The following DOK6 variants were observed in gnomAD, a reference collection of about 807,000 sequenced individuals.
DOK6 encodes downstream of tyrosine kinase 6.
Under a neutral mutation model 44.0 loss-of-function variants are expected in DOK6, and 22 were observed. The ratio of observed to expected loss-of-function variants is 0.50; its 90% CI spans 0.36 to 0.71. DOK6 has a LOEUF of 0.71. DOK6 is among the 30% of genes least tolerant of loss of function. DOK6 has a pLI of 0.00. For synonymous variants in DOK6, 166 were observed against 145.5 expected (o/e 1.14, Z -1.01); for missense variants, 340 against 416.4 (o/e 0.82, Z 1.60).
At chr18:69,402,779 G>A (rs1464982650) in intron 1 of DOK6, among the ~76,000 whole-genome samples, 1 of 152,242 alleles carries the variant, frequency 6.6e-6, no homozygotes, top group Admixed American at 6.5e-5. Flanking sequence ...CCACCAAGGC[G>A]AGAGAGAGCA....
At chr18:69,472,297 C>T (rs777659352) in intron 1 of DOK6, among the ~76,000 whole-genome samples, 8 of 152,168 alleles carry the variant, frequency 5.3e-5, no homozygotes, top group Non-Finnish European at 8.8e-5. Context: ...AAGGTGACTG[C>T]GCACACAATG....
Position 69,846,864 on chromosome 18 carries a change from G to A in DOK6, c.*5481G>A, listed in dbSNP as rs1982355541. On this transcript the variant is annotated 3_prime_UTR_variant, in exon 8 of 8. Transcript: ENST00000382713. Reference sequence around the variant, plus strand: ...GCTTCCATTATCAACAAGAATTGGGGAAATGACTTTTTTACATTATAATAC... The same window carrying A: ...GCTTCCATTATCAACAAGAATTGGGAAAATGACTTTTTTACATTATAATAC... The A allele has an allele frequency of 6.6e-6, 1 of 152,002 alleles. No homozygotes were observed. Among genetic ancestry groups the A allele is most frequent in the South Asian group, 2.1e-4 (1 of 4,812 alleles). The allele number at this position is 152,002 out of a possible 1,614,324, so 9.4% of individuals were successfully genotyped here.
At chr18:69,678,074 C>T (rs1406612770) in intron 4 of DOK6, among the ~76,000 whole-genome samples, 1 of 152,020 alleles carries the variant, frequency 6.6e-6, no homozygotes, top group Non-Finnish European at 1.5e-5. Flanking sequence ...CATGGTAAAA[C>T]CTCATCTCTA....
intron 1 of DOK6, among the ~76,000 whole-genome samples, chr18:69,452,471 C>A (rs1306771811): frequency 2.3e-5 from 3 of 128,212 alleles, no homozygotes; most frequent in Non-Finnish European, 4.8e-5. Flanking sequence ...CAGCCGAATT[C>A]TACCAGAGGT....
intron 1 of DOK6, among the ~76,000 whole-genome samples, chr18:69,510,710 TGA>T (rs1435991195): frequency 1.3e-5 from 2 of 152,214 alleles, no homozygotes; most frequent in Non-Finnish European, 2.9e-5. Context: ...TGAACTGCTG[TGA>T]AAAGGGAAGT....
intron 3 of DOK6, among the ~76,000 whole-genome samples, chr18:69,640,820 T>C (rs1984921022): frequency 6.6e-6 from 1 of 152,204 alleles, no homozygotes; most frequent in African/African-American, 2.4e-5. Context: ...GAGTATTTAT[T>C]GCTTAATAGT....
chr18:69,761,242 A>G (rs900110152), intron 7 of DOK6, among the ~76,000 whole-genome samples: 3 of 150,606 alleles, frequency 2.0e-5, no homozygotes, highest in Non-Finnish European at 2.9e-5. Flanking sequence ...GCGACCAATT[A>G]TTACTACTCC....
intron 1 of DOK6, among the ~76,000 whole-genome samples, chr18:69,563,243 C>T (rs574268831): frequency 2.6e-5 from 4 of 152,106 alleles, no homozygotes; most frequent in South Asian, 4.1e-4. Flanking sequence ...GTCAGTGTGG[C>T]GATTCCTCAG....
intron 3 of DOK6, among the ~76,000 whole-genome samples, chr18:69,670,994 C>A (rs560895349): frequency 3.3e-5 from 5 of 152,212 alleles, no homozygotes; most frequent in African/African-American, 1.2e-4. Flanking sequence ...CACACACACG[C>A]ACACACGCGC....
intron 5 of DOK6, among the ~76,000 whole-genome samples, chr18:69,733,636 A>G (rs1490620367): frequency 6.6e-6 from 1 of 152,152 alleles, no homozygotes; most frequent in African/African-American, 2.4e-5. Context: ...TATTCCTCCT[A>G]TTTAACTGAA....
chr18:69,600,554 C>A (rs760894316), intron 3 of DOK6, among the ~76,000 whole-genome samples: 2 of 152,048 alleles, frequency 1.3e-5, no homozygotes, highest in Non-Finnish European at 2.9e-5. Flanking sequence ...CTGTCCCAAC[C>A]TTGCTGGTGT....
intron 1 of DOK6, among the ~76,000 whole-genome samples, chr18:69,463,793 G>A (rs1249212098): frequency 1.3e-5 from 2 of 151,914 alleles, no homozygotes; most frequent in African/African-American, 4.8e-5. Context: ...CTGTGCAAAT[G>A]TGTGTGTGCA....
chr18:69,488,481 AG>A (rs1980645744), intron 1 of DOK6, among the ~76,000 whole-genome samples: 1 of 152,106 alleles, frequency 6.6e-6, no homozygotes, highest in Non-Finnish European at 1.5e-5. Context: ...AGTCCGTTTT[AG>A]TACTGCTATG....
At chr18:69,565,780 A>G (rs1982963150) in intron 2 of DOK6, among the ~76,000 whole-genome samples, 1 of 152,166 alleles carries the variant, frequency 6.6e-6, no homozygotes, top group Admixed American at 6.5e-5. Context: ...GACGAATTTT[A>G]AAATTGTTAT....
At chr18:69,634,492 C>T (rs1314681825) in intron 3 of DOK6, among the ~76,000 whole-genome samples, 1 of 152,134 alleles carries the variant, frequency 6.6e-6, no homozygotes, top group African/African-American at 2.4e-5. Flanking sequence ...TTTAAGTTTT[C>T]CAGTTCACAA....
At chr18:69,776,650 T>C (rs1980076038) in intron 7 of DOK6, among the ~76,000 whole-genome samples, 1 of 151,996 alleles carries the variant, frequency 6.6e-6, no homozygotes, top group African/African-American at 2.4e-5. Context: ...ACATCAATAC[T>C]AAAGACATCA....
At chr18:69,580,967 C>G (rs1430066703) in intron 2 of DOK6, among the ~76,000 whole-genome samples, 3 of 152,120 alleles carry the variant, frequency 2.0e-5, no homozygotes, top group African/African-American at 7.2e-5. Context: ...TTAATCTCCT[C>G]CAAACTCATC....
chr18:69,540,144 G>GTGGGGATTA (rs1982231902), intron 1 of DOK6, among the ~76,000 whole-genome samples: 1 of 152,132 alleles, frequency 6.6e-6, no homozygotes, highest in South Asian at 2.1e-4. Flanking sequence ...CCATCAACAT[G>GTGGGGATTA]TGGGGATTAT....
At chr18:69,542,839 CGAG>C (rs879762831) in intron 1 of DOK6, among the ~76,000 whole-genome samples, 20 of 151,672 alleles carry the variant, frequency 1.3e-4, no homozygotes, top group African/African-American at 4.8e-4. Context: ...GTTCATACAC[CGAG>C]CGTGGATTAG....
Sources: gnomAD v4.1 joint callset for allele counts (sites outside exome capture counted in the v4.1 genomes callset) on GRCh38, gnomAD v4.1.1 for gene constraint, MANE v1.5 for transcripts, NCBI Gene and HGNC (gene_info 2026-07-23, HGNC 2026-07-21) for gene names.